Variants in SCYL2 observed in about 807,000 individuals in gnomAD.
SCYL2 encodes the protein SCY1 like pseudokinase 2.
In SCYL2, 36 loss-of-function variants were observed where a neutral mutation model predicts 100.4. The observed-to-expected ratio is 0.36, with a 90% CI of 0.27 to 0.47. SCYL2 has a LOEUF of 0.47. Among genes scored for constraint, SCYL2 ranks in the 20% least tolerant of loss-of-function variants. The pLI is 1.00. For synonymous variants in SCYL2, 330 were observed against 359.2 expected (o/e 0.92, Z 0.92); for missense variants, 902 against 1,083.9 (o/e 0.83, Z 2.36).
intron 1 of SCYL2, among the ~76,000 whole-genome samples, chr12:100,274,752 C>A (rs2096290949): frequency 6.6e-6 from 1 of 152,142 alleles, no homozygotes; most frequent in Non-Finnish European, 1.5e-5. Flanking sequence ...ATCTTCAGGA[C>A]ATAGACTTGT....
chr12:100,317,099 CAAA>C (rs766952925), intron 9 of SCYL2, among the ~76,000 whole-genome samples: 17 of 114,458 alleles, frequency 1.5e-4, no homozygotes, highest in Non-Finnish European at 1.5e-4. Flanking sequence ...GGCCCTGTCT[CAAA>C]AAAAAAAAAA....
chr12:100,287,238 C>T lies in SCYL2; in HGVS notation c.177+4091C>T, dbSNP rs79798526. Among the ~76,000 whole-genome samples the T allele has an allele frequency of 2.2e-3, 332 of 152,290 alleles. 5 individuals carry two copies. In the East Asian group the frequency reaches 0.036, roughly 17 times the overall value. ...TAAGTATCTTGTTATCAACAGAGCT[C>T]AACTTTGTAGTAAGCAAAATAGCTT... On this transcript the variant is annotated intron_variant, in intron 2 of 17. Transcript: ENST00000360820.
At chr12:100,321,366 T>TA (rs1418672752) in intron 10 of SCYL2, among the ~76,000 whole-genome samples, 3 of 152,228 alleles carry the variant, frequency 2.0e-5, no homozygotes. Flanking sequence ...TCCCTTCTCT[T>TA]ATGCTTTGCT....
chr12:100,332,267 G>A (rs138489113), intron 13 of SCYL2, among the ~76,000 whole-genome samples: 1 of 152,278 alleles, frequency 6.6e-6, no homozygotes, highest in Admixed American at 6.5e-5. Flanking sequence ...TGCCTGGCAT[G>A]TACTCAAATT....
At chr12:100,284,398 G>A (rs2096302207) in intron 2 of SCYL2, among the ~76,000 whole-genome samples, 1 of 152,124 alleles carries the variant, frequency 6.6e-6, no homozygotes, top group Non-Finnish European at 1.5e-5. Flanking sequence ...AATTAAAGGT[G>A]GTACACCAGT....
intron 3 of SCYL2, among the ~76,000 whole-genome samples, chr12:100,295,370 G>T (rs953515021): frequency 6.6e-6 from 1 of 152,310 alleles, no homozygotes; most frequent in Admixed American, 6.5e-5. Flanking sequence ...AGGTTGTAGC[G>T]AGCCGAGATC....
At chr12:100,288,843 A>AG (rs1319676392) in intron 2 of SCYL2, among the ~76,000 whole-genome samples, 14 of 151,048 alleles carry the variant, frequency 9.3e-5, no homozygotes, top group Non-Finnish European at 1.5e-4. Context: ...TCTCAAAAAA[A>AG]GAAAAAAAAA....
rs1451487468 is a variant in SCYL2 at position 100,334,199 on chromosome 12, C to T, written c.1795C>T (p.Leu599Phe). The T allele has an allele frequency of 6.2e-7, 1 of 1,603,410 alleles. No individual in the cohort carries two copies. The highest frequency in any genetic ancestry group is 8.5e-7 in the Non-Finnish European group (1 of 1,173,716). ...TTTCATTTCCGTCATAAAAGAAATGCTTAATAGATTGGAGTCTGAACATAA... is the reference window on the plus strand; with the variant it reads ...TTTCATTTCCGTCATAAAAGAAATGTTTAATAGATTGGAGTCTGAACATAA... Reference protein sequence around the residue: ...NSFISVIKEMLNRLESEHKTK... With the variant: ...NSFISVIKEMFNRLESEHKTK... Residue 599 changes from leucine to phenylalanine, a missense_variant, in exon 14 of 18, where the codon CTT (leucine) becomes TTT (phenylalanine). By Grantham distance (22) the Leu-to-Phe change is conservative (BLOSUM62 0). Transcript: ENST00000360820.
chr12:100,337,478 T>C lies in SCYL2; in HGVS notation c.2117T>C (p.Val706Ala), dbSNP rs1415699489. ...LKSQQPLKPQ[V>A]HTPVATVKQT... The stretch of plus-strand genomic sequence containing the variant: ...AGCCAGCAGCCTCTTAAACCCCAAG[T>C]GCACACACCTGTTGCTACTGTTAAA... Residue 706 changes from valine to alanine, a missense_variant, in exon 17 of 18, where the codon GTG becomes GCG. Val to Ala is a moderately conservative substitution (Grantham distance 64, BLOSUM62 0). Coordinates refer to ENST00000360820, the MANE Select transcript of SCYL2 (RefSeq NM_017988.6). 9 of 1,613,320 alleles carry C rather than the reference T, an allele frequency of 5.6e-6. No individual in the cohort carries two copies. The Admixed American group carries it at 1.3e-4, about 24-fold the overall frequency.
At chr12:100,295,957 G>C (rs957269549) in intron 3 of SCYL2, among the ~76,000 whole-genome samples, 7 of 152,170 alleles carry the variant, frequency 4.6e-5, no homozygotes, top group Non-Finnish European at 2.9e-5. Flanking sequence ...CCCCAGGCCA[G>C]GGCCGACACC....
intron 4 of SCYL2, among the ~76,000 whole-genome samples, chr12:100,301,862 T>C (rs1282926730): frequency 2.6e-4 from 39 of 152,180 alleles, no homozygotes; most frequent in Admixed American, 2.6e-3. Flanking sequence ...CCACCACAGC[T>C]GGGAATGTGC....
At chr12:100,300,331 C>T (rs1043449938) in intron 4 of SCYL2, among the ~76,000 whole-genome samples, 2 of 152,038 alleles carry the variant, frequency 1.3e-5, no homozygotes, top group Admixed American at 6.5e-5. Flanking sequence ...TGGCAAAATA[C>T]CATCTTAACC....
Position 100,335,898 on chromosome 12 carries a change from C to T in SCYL2, c.2017C>T (p.His673Tyr), listed in dbSNP as rs761699846. The T allele has an allele frequency of 5.6e-6, 9 of 1,610,726 alleles. No homozygotes were observed. The highest frequency in any genetic ancestry group is 7.6e-6 in the Non-Finnish European group (9 of 1,177,188). Residue 673 changes from histidine (H) to tyrosine (Y), a missense_variant, in exon 16 of 18, where the codon CAT becomes TAT. By Grantham distance (83) the His-to-Tyr change is moderately conservative (BLOSUM62 2). Coordinates refer to ENST00000360820, the MANE Select transcript of SCYL2 (RefSeq NM_017988.6). ...TAAAGAGGACGGGTTACAGAATAAA[C>T]ATAAAAGAGTGAGTTTCCTTACTGT... ...ENKEDGLQNK[H>Y]KRASLTLEEK...
At chr12:100,322,409 AAG>A (rs1256417861) in intron 10 of SCYL2, among the ~76,000 whole-genome samples, 1 of 151,610 alleles carries the variant, frequency 6.6e-6, no homozygotes, top group East Asian at 1.9e-4. Context: ...CTAAAAAAAA[AAG>A]AATTGGGATT....
chr12:100,296,023 T>C (rs549188677), intron 3 of SCYL2, among the ~76,000 whole-genome samples: 3 of 152,348 alleles, frequency 2.0e-5, no homozygotes, highest in African/African-American at 7.2e-5. Context: ...ACATGTCTTA[T>C]ATCTCATAAT....
chr12:100,294,636 T>A (rs1388222640), intron 3 of SCYL2, among the ~76,000 whole-genome samples: 18 of 96,970 alleles, frequency 1.9e-4, no homozygotes, highest in South Asian at 4.0e-4. Flanking sequence ...CACTTCCCAG[T>A]AGGGGTGGCT....
At chr12:100,276,470 C>G (rs919187562) in intron 1 of SCYL2, among the ~76,000 whole-genome samples, 1 of 152,070 alleles carries the variant, frequency 6.6e-6, no homozygotes, top group African/African-American at 2.4e-5. Flanking sequence ...GTAGCTGGGA[C>G]CATAAGCACA....
At chr12:100,268,437 A>G (rs1037364194) in intron 1 of SCYL2, among the ~76,000 whole-genome samples, 11 of 152,196 alleles carry the variant, frequency 7.2e-5, no homozygotes, top group Admixed American at 6.5e-4. Context: ...CTTTAGCACA[A>G]ATATTTTTAA....
chr12:100,328,719 G>A (rs1046149615), intron 12 of SCYL2, among the ~76,000 whole-genome samples: 1 of 152,086 alleles, frequency 6.6e-6, no homozygotes, highest in African/African-American at 2.4e-5. Context: ...AGGATTTTGT[G>A]GAATTGAATT....
Sources: gnomAD v4.1 joint callset for allele counts (sites outside exome capture counted in the v4.1 genomes callset) on GRCh38, gnomAD v4.1.1 for gene constraint, MANE v1.5 for transcripts, NCBI Gene and HGNC (gene_info 2026-07-23, HGNC 2026-07-21) for gene names.